Variants in ATP8B1 observed in about 807,000 individuals in gnomAD.
ATP8B1 encodes ATPase phospholipid transporting 8B1, also known as phospholipid-transporting ATPase IC.
A neutral mutation model predicts 149.9 loss-of-function variants in ATP8B1; 80 were observed. That is an observed-to-expected ratio of 0.53 (90% CI 0.45 to 0.64). ATP8B1 has a LOEUF of 0.64. Among genes scored for constraint, ATP8B1 ranks in the 30% least tolerant of loss-of-function variants. ATP8B1 has a pLI of 0.00. For synonymous variants in ATP8B1, 536 were observed against 562.8 expected (o/e 0.95, Z 0.67); for missense variants, 1,247 against 1,552.6 (o/e 0.80, Z 3.31).
intron 1 of ATP8B1, among the ~76,000 whole-genome samples, chr18:57,791,476 G>A (rs905065555): frequency 2.0e-5 from 3 of 150,176 alleles, no homozygotes; most frequent in Non-Finnish European, 1.5e-5. Flanking sequence ...ATAGCCTCCC[G>A]AGTAGCTAGG....
At chr18:57,717,082 A>G (rs2079589721) in intron 2 of ATP8B1, among the ~76,000 whole-genome samples, 1 of 152,242 alleles carries the variant, frequency 6.6e-6, no homozygotes, top group Non-Finnish European at 1.5e-5. Flanking sequence ...CAGTGGGTCA[A>G]TGAAGAAATT....
intron 2 of ATP8B1, among the ~76,000 whole-genome samples, chr18:57,712,627 A>G (rs1913742238): frequency 6.6e-6 from 1 of 152,022 alleles, no homozygotes; most frequent in Non-Finnish European, 1.5e-5. Context: ...CTGGACTTGG[A>G]GCCAGTTGAC....
At chr18:57,783,338 AC>A (rs2080375010) in intron 1 of ATP8B1, among the ~76,000 whole-genome samples, 1 of 152,238 alleles carries the variant, frequency 6.6e-6, no homozygotes, top group South Asian at 2.1e-4. Flanking sequence ...TAACATGCTT[AC>A]TGTGGTCCTT....
chr18:57,662,444 CTTTT>C (rs1171782713), intron 21 of ATP8B1, 35 bp downstream of exon 21: 3 of 1,613,010 alleles, frequency 1.9e-6, no homozygotes, highest in East Asian at 2.2e-5. Context: ...GAACTTCTTT[CTTTT>C]GAGTTAAAGG....
intron 1 of ATP8B1, among the ~76,000 whole-genome samples, chr18:57,760,258 CAA>C (rs2080135798): frequency 6.6e-6 from 1 of 152,218 alleles, no homozygotes. Flanking sequence ...TCATGATTAA[CAA>C]AGTCTTGGGA....
In ATP8B1 at chr18:57,774,748, A is replaced by G. The variant is rs189639195; in HGVS notation, c.-26+28250T>C. ...GTAACTATCTTACAGATGTTTGTTG[A>G]CTGAATGAAAAGTCACCTATTAATA... On this transcript the variant is annotated intron_variant, in intron 1 of 27. Transcript: ENST00000648908. Among the ~76,000 whole-genome samples, 362 of 152,324 alleles carry G rather than the reference A, an allele frequency of 2.4e-3. No individual in the cohort carries two copies. The Middle Eastern group carries it at 0.031, about 13-fold the overall frequency.
chr18:57,691,175 CA>C (rs530091842), intron 12 of ATP8B1, among the ~76,000 whole-genome samples: 5,709 of 58,886 alleles, frequency 0.097, 264 homozygotes, highest in African/African-American at 0.26. Flanking sequence ...AACTCCATCT[CA>C]AAAAAAAAAA....
At chr18:57,693,230 A>C (rs1327001640) in intron 11 of ATP8B1, among the ~76,000 whole-genome samples, 3 of 152,204 alleles carry the variant, frequency 2.0e-5, no homozygotes, top group Non-Finnish European at 4.4e-5. Flanking sequence ...TACTTGAAAA[A>C]ATTTTTCATT....
At chr18:57,680,724 C>T (rs1315802687) in intron 15 of ATP8B1, among the ~76,000 whole-genome samples, 10 of 151,544 alleles carry the variant, frequency 6.6e-5, no homozygotes, top group Admixed American at 6.6e-4. Context: ...CTCCCACATC[C>T]ATGGCTTTGT....
intron 22 of ATP8B1, among the ~76,000 whole-genome samples, chr18:57,660,730 G>A (rs1219421309): frequency 6.6e-6 from 1 of 152,084 alleles, no homozygotes; most frequent in Non-Finnish European, 1.5e-5. Context: ...TCTTGATCAG[G>A]CTGGTCTCGA....
intron 26 of ATP8B1, 115 bp downstream of exon 26, chr18:57,651,919 C>T: frequency 7.6e-7 from 1 of 1,319,652 alleles, no homozygotes; most frequent in Non-Finnish European, 1.1e-6. Context: ...CAGGTGTGAG[C>T]CACTGTGCCC....
At chr18:57,764,179 C>T (rs747678969) in intron 1 of ATP8B1, among the ~76,000 whole-genome samples, 21 of 152,210 alleles carry the variant, frequency 1.4e-4, no homozygotes, top group Non-Finnish European at 2.5e-4. Context: ...GATGAACGAA[C>T]GACGGACATG....
intron 1 of ATP8B1, among the ~76,000 whole-genome samples, chr18:57,753,203 CA>C (rs1255634588): frequency 2.6e-5 from 4 of 152,190 alleles, no homozygotes; most frequent in African/African-American, 9.7e-5. Context: ...TTGCTTTCCT[CA>C]AAGTATACTC....
chr18:57,692,598 G>A (rs1912597898), intron 11 of ATP8B1, among the ~76,000 whole-genome samples: 1 of 151,910 alleles, frequency 6.6e-6, no homozygotes, highest in Non-Finnish European at 1.5e-5. Context: ...ACCAAGGCCG[G>A]CTAATTTTTG....
chr18:57,767,050 TG>T (rs1425568348), intron 1 of ATP8B1, among the ~76,000 whole-genome samples: 4 of 151,888 alleles, frequency 2.6e-5, no homozygotes, highest in African/African-American at 9.7e-5. Context: ...CAGAGAGTGA[TG>T]GGGAAAGTAA....
At position 57,772,640 on chromosome 18, in the gene ATP8B1, C is replaced by T. The variant is rs188025867; in HGVS notation, c.-26+30358G>A. 4.5e-3 allele frequency among the ~76,000 whole-genome samples: 681 copies of T among 152,208 alleles called. 5 individuals carry two copies. The highest frequency in any genetic ancestry group is 0.014 in the African/African-American group (599 of 41,524). On this transcript the variant is annotated intron_variant, in intron 1 of 27. Transcript: ENST00000648908. ...TTGAGTAAACAACACGTCCCGACCT[C>T]GTGGCAGGTATTCAGTCAGCTGCTG...
At chr18:57,661,093 A>T in intron 22 of ATP8B1, 81 bp downstream of exon 22, 2 of 1,546,638 alleles carry the variant, frequency 1.3e-6, no homozygotes, top group East Asian at 2.3e-5. Flanking sequence ...ATCTAAAAAA[A>T]GAAAATCCAC....
rs762857853 is a variant in ATP8B1, at chr18:57,669,326, C to A, written c.2089G>T (p.Asp697Tyr). ...LDKVYEEIEK[D>Y]LILLGATAIE... ...TTAAGGCTAAAACTCACAATTAAGTCTTTTTCAATCTCCTCATATACTTTA... is the reference window on the plus strand; with the variant it reads ...TTAAGGCTAAAACTCACAATTAAGTATTTTTCAATCTCCTCATATACTTTA... Residue 697 changes from aspartate (D) to tyrosine (Y), a missense_variant, in exon 18 of 28, where the codon GAC becomes TAC. By Grantham distance (160) the Asp-to-Tyr change is radical (BLOSUM62 -3). Transcript: ENST00000648908. 3 of 1,600,050 alleles carry A rather than the reference C, an allele frequency of 1.9e-6. No homozygotes were observed. Among genetic ancestry groups the A allele is most frequent in the Non-Finnish European group, 2.6e-6 (3 of 1,175,500 alleles).
chr18:57,732,199 GTATATATGTA>G (rs2079782059), intron 1 of ATP8B1, among the ~76,000 whole-genome samples: 2 of 38,796 alleles, frequency 5.2e-5, no homozygotes, highest in African/African-American at 2.1e-4. Flanking sequence ...GTATATATGT[GTATATATGTA>G]TATATGTGTA....
Sources: gnomAD v4.1 joint callset for allele counts (sites outside exome capture counted in the v4.1 genomes callset) on GRCh38, gnomAD v4.1.1 for gene constraint, MANE v1.5 for transcripts, NCBI Gene and HGNC (gene_info 2026-07-23, HGNC 2026-07-21) for gene names.